TG: variants seen among roughly 807,000 people sequenced by gnomAD.
TG encodes the protein thyroid hormones.
TG carries 270 observed loss-of-function variants against 324.7 expected under a neutral mutation model. The observed-to-expected ratio is 0.83, with a 90% CI of 0.75 to 0.92. TG has a LOEUF of 0.92. Among genes scored for constraint, TG ranks in the 40% least tolerant of loss-of-function variants. The probability of loss-of-function intolerance (pLI) is 0.00; values close to 1 mark genes in which losing one functional copy is unlikely to be tolerated. For synonymous variants in TG, 1,401 were observed against 1,327.0 expected (o/e 1.06, Z -1.21); for missense variants, 3,591 against 3,456.4 (o/e 1.04, Z -0.98).
chr8:132,923,900 C>A (rs1002513908), intron 22 of TG, among the ~76,000 whole-genome samples: 1 of 152,130 alleles, frequency 6.6e-6, no homozygotes, highest in Non-Finnish European at 1.5e-5. Context: ...GAGCAGCAGT[C>A]CCCAACCTTT....
chr8:133,105,296 C>T (rs1247817670), intron 43 of TG, among the ~76,000 whole-genome samples: 2 of 152,132 alleles, frequency 1.3e-5, no homozygotes, highest in African/African-American at 4.8e-5. Flanking sequence ...CTGCTTCTGC[C>T]CCAGTGTGGT....
At position 132,886,569 on chromosome 8, in the gene TG, A is replaced by G. The variant is rs577696872; in HGVS notation, c.1197A>G (p.Pro399=). The stretch of plus-strand genomic sequence containing the variant: ...CCCCAGAGAAAAGATGGGCCTCTCC[A>G]AGAGTAGCCAGATTTGCCACATCCT... The part of the protein sequence containing the change: ...FSSPEKRWAS[P]RVARFATSCP... Residue 399 remains proline, a synonymous_variant, in exon 9 of 48, where the codon CCA becomes CCG. Coordinates refer to ENST00000220616, the MANE Select transcript of TG (RefSeq NM_003235.5). The G allele has an allele frequency of 3.7e-6, 6 of 1,614,180 alleles. No homozygotes were observed. The highest frequency in any genetic ancestry group is 2.2e-5 in the South Asian group (2 of 91,076).
Position 132,900,313 on chromosome 8 carries a change from G to C in TG, c.3407G>C (p.Arg1136Pro), listed in dbSNP as rs750140968. 1.7e-5 allele frequency: 28 copies of C among 1,613,400 alleles called. No homozygotes were observed. Among genetic ancestry groups the C allele is most frequent in the Non-Finnish European group, 2.1e-5 (25 of 1,179,862 alleles). The stretch of plus-strand genomic sequence containing the variant: ...GACCCTGCATCAGGAGAAGAGTTGC[G>C]GCCTGGCTCGAGCAGCAGTGCCCAG... ...CVDPASGEELRPGSSSSAQCP... is the reference protein window; with the variant it reads ...CVDPASGEELPPGSSSSAQCP... Residue 1136 changes from arginine (R) to proline (P), a missense_variant, in exon 15 of 48, where the codon CGG becomes CCG. Transcript: ENST00000220616.
At chr8:133,087,392 T>G (rs1353607697) in intron 41 of TG, among the ~76,000 whole-genome samples, 1 of 152,202 alleles carries the variant, frequency 6.6e-6, no homozygotes, top group Non-Finnish European at 1.5e-5. Context: ...GCAAGGCTTA[T>G]TGCTGGACCT....
intron 10 of TG, 27 bp downstream of exon 10, chr8:132,888,595 A>ATGTGTGTGTG (rs3832581): frequency 2.2e-6 from 3 of 1,338,386 alleles, no homozygotes; most frequent in Admixed American, 2.1e-5. Context: ...GAAGAGTTAA[A>ATGTGTGTGTG]TGTGTGTGTG....
chr8:133,085,351 A>G (rs1181042443), intron 41 of TG, among the ~76,000 whole-genome samples: 6 of 152,240 alleles, frequency 3.9e-5, no homozygotes, highest in African/African-American at 1.4e-4. Flanking sequence ...AAATAGATAC[A>G]TCGGATTTCA....
chr8:132,988,680 C>T lies in TG; in HGVS notation c.6262+5268C>T, dbSNP rs959110632. On this transcript the variant is annotated intron_variant, in intron 35 of 47. Transcript: ENST00000220616. ...AATAGTAAATATATATTTTCTTTGT[C>T]AGACAAATGTACATTGCATCTTAAA... 6.1e-6 allele frequency: 6 copies of T among 983,494 alleles called. No homozygotes were observed. In the South Asian group the frequency reaches 1.4e-4, roughly 23 times the overall value. 60.9% of individuals were successfully genotyped at this position (983,494 alleles called of 1,614,324 possible).
chr8:132,886,642 C>A lies in TG; in HGVS notation c.1270C>A (p.Pro424Thr), dbSNP rs754169402. Residue 424 changes from proline (P) to threonine (T), a missense_variant, in exon 9 of 48, where the codon CCA (proline) becomes ACA (threonine). Coordinates refer to ENST00000220616, the MANE Select transcript of TG (RefSeq NM_003235.5). Reference protein sequence around the residue: ...ELFVDSGLLRPMVEGQSQQFS... With the variant: ...ELFVDSGLLRTMVEGQSQQFS... ...CTTTGTGGACTCTGGGCTTCTCCGC[C>A]CAATGGTGGAGGGACAGAGCCAACA... 1.2e-6 allele frequency: 2 copies of A among 1,614,170 alleles called. No homozygotes were observed. The highest frequency in any genetic ancestry group is 8.5e-7 in the Non-Finnish European group (1 of 1,180,048).
chr8:132,919,620 A>G (rs1820844116), intron 21 of TG, 95 bp downstream of exon 21: 1 of 1,553,202 alleles, frequency 6.4e-7, no homozygotes, highest in Non-Finnish European at 8.8e-7. Flanking sequence ...ACATTTTGGG[A>G]CAGATAATTC....
At chr8:133,087,659 A>G (rs1287064315) in intron 41 of TG, 2 of 152,254 alleles carry the variant, frequency 1.3e-5, no homozygotes, top group Non-Finnish European at 2.9e-5. Flanking sequence ...CATTGGAGAC[A>G]AGTTAGAATA....
Position 132,929,452 on chromosome 8 carries a change from C to T in TG, c.4816+260C>T, listed in dbSNP as rs142577329. On this transcript the variant is annotated intron_variant, in intron 23 of 47. Coordinates refer to ENST00000220616, the MANE Select transcript of TG (RefSeq NM_003235.5). Reference sequence around the variant, plus strand: ...TGAACAAAATTAGTTTGGCATAGATCTATGTGTCCAGGTCAGGATCTATAT... The same window carrying T: ...TGAACAAAATTAGTTTGGCATAGATTTATGTGTCCAGGTCAGGATCTATAT... Among the ~76,000 whole-genome samples, 386 of 152,232 alleles carry T rather than the reference C, an allele frequency of 2.5e-3. 3 individuals are homozygous for T. The highest frequency in any genetic ancestry group is 8.7e-3 in the African/African-American group (363 of 41,522).
Position 132,963,081 on chromosome 8 carries a change from AC to A in TG, c.5548+12del. ...GCATCTCCAACAGAAGCAGGTACTG[AC>A]CCCCAAACCTTCTTACACACTTGGG... is the stretch of plus-strand genomic sequence containing the variant. On this transcript the variant is annotated splice_region_variant and intron_variant, in intron 29 of 47. Transcript: ENST00000220616. The A allele has an allele frequency of 6.2e-7, 1 of 1,613,834 alleles. No homozygotes were observed. The highest frequency in any genetic ancestry group is 8.5e-7 in the Non-Finnish European group (1 of 1,179,792).
chr8:132,971,833 C>T lies in TG; in HGVS notation c.6015C>T (p.Cys2005=). The part of the protein sequence containing the change: ...ECERRCDADP[C]CTGFGFLNVS... ...AACGACGGTGCGATGCGGACCCATG[C>T]TGCACTGGCTTTGGATTTCTAAATG... The change falls in exon 33 of 48, where the codon TGC becomes TGT. Residue 2005 remains cysteine, a synonymous_variant. Coordinates refer to ENST00000220616, the MANE Select transcript of TG (RefSeq NM_003235.5). 6.2e-7 allele frequency: 1 copy of T among 1,613,770 alleles called. No homozygotes were observed. The highest frequency in any genetic ancestry group is 8.5e-7 in the Non-Finnish European group (1 of 1,179,692).
chr8:133,004,294 G>A (rs182327850), intron 35 of TG, among the ~76,000 whole-genome samples: 1 of 152,304 alleles, frequency 6.6e-6, no homozygotes, highest in East Asian at 1.9e-4. Flanking sequence ...GTGCCTACTA[G>A]CTGCTGGGAA....
chr8:133,089,466 TA>T (rs1847151726), intron 41 of TG, among the ~76,000 whole-genome samples: 1 of 152,188 alleles, frequency 6.6e-6, no homozygotes, highest in Admixed American at 6.5e-5. Flanking sequence ...ATACCCCATT[TA>T]AAAGCCTTTA....
chr8:132,867,032 T>A lies in TG; in HGVS notation c.32T>A (p.Leu11Gln). The change falls in exon 1 of 48, where the codon CTG (leucine) becomes CAG (glutamine). Residue 11 changes from leucine (L) to glutamine (Q), a missense_variant. Leu to Gln is a moderately radical substitution (Grantham distance 113). Coordinates refer to ENST00000220616, the MANE Select transcript of TG (RefSeq NM_003235.5). MALVLEIFTL[L>Q]ASICWVSANI... ...CTGGTCCTGGAGATCTTCACCCTGC[T>A]GGCCTCCATCTGCTGGGTGTCGGCC... 2 of 1,602,128 alleles carry A rather than the reference T, an allele frequency of 1.2e-6. No individual in the cohort carries two copies. The highest frequency in any genetic ancestry group is 1.7e-6 in the Non-Finnish European group (2 of 1,173,402).
Position 132,905,408 on chromosome 8 carries a change from C to A in TG, c.3635-1280C>A, listed in dbSNP as rs187383474. On this transcript the variant is annotated intron_variant, in intron 16 of 47. Transcript: ENST00000220616. Reference sequence around the variant, plus strand: ...CCATTGCCCTTATCACAAAAAAGACCAGGTTTGGTTCTGGAGATCAAAATA... The same window carrying A: ...CCATTGCCCTTATCACAAAAAAGACAAGGTTTGGTTCTGGAGATCAAAATA... 4.1e-3 allele frequency among the ~76,000 whole-genome samples: 623 copies of A among 152,274 alleles called. 4 individuals are homozygous for A. The highest frequency in any genetic ancestry group is 0.013 in the African/African-American group (534 of 41,558).
chr8:132,893,291 T>C lies in TG; in HGVS notation c.2762-399T>C, dbSNP rs201014103. Among the ~76,000 whole-genome samples the C allele has an allele frequency of 9.8e-4, 137 of 139,594 alleles. 1 individual carries two copies. The East Asian group carries it at 0.015, about 15-fold the overall frequency. The allele number at this position is 139,594 out of a possible 152,430, so 91.6% of individuals were successfully genotyped here. A position where few individuals can be genotyped will look rare whatever the true frequency, so the allele number is the denominator to read the frequency against. Reference sequence around the variant, plus strand: ...TGTCTGCGGGGGTGGTGTGTGTGTATGTGTACGTGTGGTGTATGTGATCTG... The same window carrying C: ...TGTCTGCGGGGGTGGTGTGTGTGTACGTGTACGTGTGGTGTATGTGATCTG... On this transcript the variant is annotated intron_variant, in intron 10 of 47. Coordinates refer to ENST00000220616, the MANE Select transcript of TG (RefSeq NM_003235.5).
At chr8:133,035,020 T>C (rs1375822890) in intron 41 of TG, among the ~76,000 whole-genome samples, 1 of 152,254 alleles carries the variant, frequency 6.6e-6, no homozygotes, top group Non-Finnish European at 1.5e-5. Flanking sequence ...ATCTTCTCTA[T>C]GGCTGTGTTT....
Sources: gnomAD v4.1 joint callset for allele counts (sites outside exome capture counted in the v4.1 genomes callset) on GRCh38, gnomAD v4.1.1 for gene constraint, MANE v1.5 for transcripts, NCBI Gene and HGNC (gene_info 2026-07-23, HGNC 2026-07-21) for gene names.